MSH5: variants seen among roughly 807,000 people sequenced by gnomAD.
MSH5 encodes mutS homolog 5.
In MSH5, 78 loss-of-function variants were observed where a neutral mutation model predicts 107.7. That is an observed-to-expected ratio of 0.72 (90% CI 0.60 to 0.87). MSH5 has a LOEUF of 0.87. MSH5 is among the 40% of genes least tolerant of loss of function. The pLI is 0.00. For missense variants in MSH5, 889 were observed against 1,046.6 expected (o/e 0.85, Z 2.08); for synonymous variants, 326 against 399.5 (o/e 0.82, Z 2.19).
In MSH5 at chr6:31,758,975, C is replaced by A; in HGVS notation, c.1326+100C>A. On this transcript the variant is annotated intron_variant, in intron 15 of 24. Transcript: ENST00000375750. This position sits in a 1 kb window ranked among gnomAD's most constrained non-coding sequence, Gnocchi z 5.1. ...TAGATAAGAAAACTTGTGGGGCAGC[C>A]TGAAGAACATGAACACTTTTTTGTG... 7.1e-7 allele frequency: 1 copy of A among 1,415,038 alleles called. No individual in the cohort carries two copies. Among genetic ancestry groups the A allele is most frequent in the Non-Finnish European group, 1.0e-6 (1 of 1,001,156 alleles). 87.7% of individuals were successfully genotyped at this position (1,415,038 alleles called of 1,614,324 possible). A position where few individuals can be genotyped will look rare whatever the true frequency, so the allele number is the denominator to read the frequency against.
In MSH5 at chr6:31,753,238, G is replaced by A. The variant is rs1331049972; in HGVS notation, c.813-63G>A. 21 of 1,543,070 alleles carry A rather than the reference G, an allele frequency of 1.4e-5. 1 individual carries two copies. In the East Asian group the frequency reaches 4.8e-4, roughly 35 times the overall value. On this transcript the variant is annotated intron_variant, in intron 10 of 24. Transcript: ENST00000375750. The stretch of plus-strand genomic sequence containing the variant: ...CCAGGGACTGCAAGCACACTTTTTG[G>A]CAAACTGAGATCAAGATGATAGATG...
Position 31,761,181 on chromosome 6 carries a change from C to T in MSH5, c.1963-7C>T. The T allele has an allele frequency of 2.5e-6, 4 of 1,613,162 alleles. No individual in the cohort carries two copies. The African/African-American group carries it at 4.0e-5, about 16-fold the overall frequency. ...TAACTTTCCCTTGTCCACCTTATAC[C>T]CAGCAGGTGGCGAAAGCAGTGAACA... On this transcript the variant is annotated splice_region_variant and splice_polypyrimidine_tract_variant and intron_variant, in intron 20 of 24. Coordinates refer to ENST00000375750, the MANE Select transcript of MSH5 (RefSeq NM_172166.4). The surrounding 1 kb of genome is among the most constrained non-coding windows in gnomAD (Gnocchi z 5.3).
chr6:31,755,166 T>G (rs1195436565), intron 12 of MSH5, among the ~76,000 whole-genome samples: 2 of 152,092 alleles, frequency 1.3e-5, no homozygotes, highest in Non-Finnish European at 2.9e-5. Flanking sequence ...AATTTTTCTT[T>G]TTTGAGACAG....
intron 9 of MSH5, 83 bp downstream of exon 9, chr6:31,745,402 T>C: frequency 2.1e-6 from 2 of 931,074 alleles, no homozygotes; most frequent in South Asian, 1.4e-5. Flanking sequence ...CCAGCCTCCC[T>C]TCCCACTTCA....
intron 4 of MSH5, 52 bp downstream of exon 4, chr6:31,743,009 A>C (rs1375026068): frequency 1.2e-6 from 2 of 1,609,212 alleles, no homozygotes; most frequent in African/African-American, 2.7e-5. Flanking sequence ...TAATATATGG[A>C]ATATTCCAGG....
At chr6:31,750,742 C>T (rs1250236080) in intron 10 of MSH5, among the ~76,000 whole-genome samples, 1 of 152,210 alleles carries the variant, frequency 6.6e-6, no homozygotes, top group African/African-American at 2.4e-5. Context: ...GGATGCTCCG[C>T]TTCATTCAAA....
At chr6:31,751,050 C>T (rs535523890) in intron 10 of MSH5, among the ~76,000 whole-genome samples, 67 of 152,138 alleles carry the variant, frequency 4.4e-4, no homozygotes, top group Admixed American at 7.9e-4. Flanking sequence ...TGTCACCCAT[C>T]CTGGAGTGCA....
Position 31,747,273 on chromosome 6 carries a change from G to C in MSH5, c.767-114G>C, listed in dbSNP as rs971462316. The C allele has an allele frequency of 8.8e-6, 10 of 1,141,242 alleles. No individual in the cohort carries two copies. In the African/African-American group the frequency reaches 1.2e-4, roughly 14 times the overall value. 70.7% of individuals were successfully genotyped at this position (1,141,242 alleles called of 1,614,324 possible). A position where few individuals can be genotyped will look rare whatever the true frequency, so the allele number is the denominator to read the frequency against. On this transcript the variant is annotated intron_variant, in intron 9 of 24. Coordinates refer to ENST00000375750, the MANE Select transcript of MSH5 (RefSeq NM_172166.4). The stretch of plus-strand genomic sequence containing the variant: ...GCTGCCTTTGTGCCCTCCCAGGCCA[G>C]CTTCCTCAACAACCAGCACCTCTGA...
chr6:31,743,400 C>T (rs2151335779), intron 5 of MSH5: 1 of 579,066 alleles, frequency 1.7e-6, no homozygotes, highest in Admixed American at 3.2e-5. Flanking sequence ...ATGAGGGCCT[C>T]CCCTGAGGAG....
rs1364693549 is a variant in MSH5 at position 31,744,531 on chromosome 6, G to A, written c.648-15G>A. The A allele has an allele frequency of 1.2e-6, 2 of 1,612,858 alleles. No homozygotes were observed. The highest frequency in any genetic ancestry group is 1.7e-6 in the Non-Finnish European group (2 of 1,179,850). The stretch of plus-strand genomic sequence containing the variant: ...AACTCAGACTGCTTCCTGCTTTTTT[G>A]TTTTCTGTCCTCAGGACTCATCTGG... On this transcript the variant is annotated splice_polypyrimidine_tract_variant and intron_variant, in intron 7 of 24. Transcript: ENST00000375750.
At chr6:31,747,978 G>A (rs1329577914) in intron 10 of MSH5, among the ~76,000 whole-genome samples, 1 of 146,962 alleles carries the variant, frequency 6.8e-6, no homozygotes, top group African/African-American at 2.6e-5. Context: ...ACTTCAGCCT[G>A]GGCAACAGAG....
intron 10 of MSH5, 129 bp from the exon 11 acceptor site, chr6:31,753,172 A>T: frequency 1.7e-6 from 2 of 1,185,518 alleles, no homozygotes; most frequent in Non-Finnish European, 2.4e-6. Flanking sequence ...ACTTGCCACT[A>T]CATTCCCATA....
chr6:31,743,778 C>G (rs1809134765), intron 5 of MSH5, 126 bp from the exon 6 acceptor site: 1 of 1,384,082 alleles, frequency 7.2e-7, no homozygotes, highest in Non-Finnish European at 9.8e-7. Flanking sequence ...CTCTAGCTTT[C>G]CATTAACTGC....
intron 10 of MSH5, among the ~76,000 whole-genome samples, chr6:31,751,213 G>A (rs28745898): frequency 2.9e-3 from 442 of 152,246 alleles, no homozygotes; most frequent in African/African-American, 5.9e-3. Context: ...AGCCAGGATG[G>A]TCTTGATCTC....
At chr6:31,757,938 G>A (rs772988720) in intron 12 of MSH5, 12 of 582,192 alleles carry the variant, frequency 2.1e-5, no homozygotes, top group Middle Eastern at 4.2e-4. Context: ...CCAAAGTGCT[G>A]GGATTACAGG....
chr6:31,754,753 C>CTTTT (rs71552080), intron 12 of MSH5, among the ~76,000 whole-genome samples: 2 of 135,366 alleles, frequency 1.5e-5, no homozygotes, highest in African/African-American at 2.8e-5. Context: ...TTTCTTTTTT[C>CTTTT]TTTTTTTTTT....
At chr6:31,753,276 C>T (rs1391561023) in intron 10 of MSH5, 25 bp from the exon 11 acceptor site, 5 of 1,579,686 alleles carry the variant, frequency 3.2e-6, no homozygotes, top group African/African-American at 2.7e-5. Flanking sequence ...ACTTGTAGTA[C>T]CCCCACCCAA....
intron 10 of MSH5, among the ~76,000 whole-genome samples, chr6:31,752,690 A>G (rs1235621817): frequency 6.7e-6 from 1 of 150,326 alleles, no homozygotes; most frequent in Non-Finnish European, 1.5e-5. Context: ...ACTGCACTCC[A>G]GCCTGGCGAC....
chr6:31,748,585 G>A (rs541964647), intron 10 of MSH5, among the ~76,000 whole-genome samples: 6 of 151,736 alleles, frequency 4.0e-5, no homozygotes, highest in Admixed American at 2.0e-4. Flanking sequence ...CTGGTGATCC[G>A]CCCACCTCGG....
Sources: allele counts gnomAD v4.1 joint callset (sites outside exome capture counted in the v4.1 genomes callset), GRCh38; gene constraint gnomAD v4.1.1; non-coding constraint Gnocchi (gnomAD v3.1); transcripts MANE v1.5; gene names NCBI Gene and HGNC (gene_info 2026-07-23, HGNC 2026-07-21).